The following HERC4 variants were observed in gnomAD, a reference collection of about 807,000 sequenced individuals.
HERC4 encodes HECT and RLD domain containing E3 ubiquitin protein ligase 4, also known as probable E3 ubiquitin-protein ligase HERC4.
Under a neutral mutation model 124.3 loss-of-function variants are expected in HERC4, and 28 were observed. That is an observed-to-expected ratio of 0.23 (90% CI 0.17 to 0.31). HERC4 has a LOEUF of 0.31. HERC4 is among the 10% of genes least tolerant of loss of function. The pLI is 1.00. For missense variants in HERC4, 713 were observed against 1,229.3 expected (o/e 0.58, Z 6.28); for synonymous variants, 407 against 421.5 (o/e 0.97, Z 0.42).
At chr10:68,052,195 G>GA (rs1362511195) in intron 3 of HERC4, among the ~76,000 whole-genome samples, 2 of 152,176 alleles carry the variant, frequency 1.3e-5, no homozygotes, top group African/African-American at 4.8e-5. Flanking sequence ...CTAGACAGAT[G>GA]AAACATATCC....
intron 16 of HERC4, chr10:67,965,690 T>C (rs1329779533): frequency 1.3e-5 from 2 of 152,236 alleles, no homozygotes; most frequent in African/African-American, 4.8e-5. Context: ...GAGGTGCTGG[T>C]TGACTGACAA....
Position 67,955,140 on chromosome 10 carries a change from A to G in HERC4, c.2026-10T>C. On this transcript the variant is annotated splice_polypyrimidine_tract_variant and intron_variant, in intron 17 of 24. Coordinates refer to ENST00000373700, the MANE Select transcript of HERC4 (RefSeq NM_015601.4). ...CCTGATCAATAGCCATCTGGAAAACAAAAGATTAACATTTTAACAGCAATG... is the reference window on the plus strand; with the variant it reads ...CCTGATCAATAGCCATCTGGAAAACGAAAGATTAACATTTTAACAGCAATG... 3.8e-6 allele frequency: 6 copies of G among 1,571,300 alleles called. No individual in the cohort carries two copies. Among genetic ancestry groups the G allele is most frequent in the Non-Finnish European group, 5.1e-6 (6 of 1,165,356 alleles).
chr10:68,069,301 T>C (rs1331024656), intron 3 of HERC4: 1 of 970,098 alleles, frequency 1.0e-6, no homozygotes, highest in Non-Finnish European at 1.2e-6. Context: ...AATTGAGACA[T>C]TAGCTTAAAA....
At chr10:67,943,221 T>C (rs2033061558) in intron 19 of HERC4, among the ~76,000 whole-genome samples, 1 of 152,210 alleles carries the variant, frequency 6.6e-6, no homozygotes, top group Admixed American at 6.5e-5. Flanking sequence ...CTTAATTCTG[T>C]TTAAGTTTAT....
intron 3 of HERC4, chr10:68,067,233 T>C (rs1295980354): frequency 1.3e-5 from 2 of 152,620 alleles, no homozygotes; most frequent in African/African-American, 2.4e-5. Context: ...CAAAGTAAAG[T>C]ATTATTATAC....
chr10:68,018,073 G>T (rs1042192675), intron 8 of HERC4, among the ~76,000 whole-genome samples: 5 of 151,882 alleles, frequency 3.3e-5, no homozygotes, highest in Middle Eastern at 3.4e-3. Context: ...CTGGTGAAAA[G>T]AATAATAAGA....
intron 3 of HERC4, among the ~76,000 whole-genome samples, chr10:68,056,737 T>A (rs1364527905): frequency 6.7e-6 from 1 of 148,232 alleles, no homozygotes; most frequent in Non-Finnish European, 1.5e-5. Flanking sequence ...CCAGTAATAG[T>A]CCAGAATGAA....
At chr10:67,967,523 A>G (rs1344688641) in intron 15 of HERC4, among the ~76,000 whole-genome samples, 1 of 152,184 alleles carries the variant, frequency 6.6e-6, no homozygotes, top group Non-Finnish European at 1.5e-5. Context: ...AGAAGGTGAT[A>G]TCTGGACACG....
intron 10 of HERC4, 98 bp downstream of exon 10, chr10:67,992,508 C>A: frequency 9.5e-7 from 1 of 1,056,142 alleles, no homozygotes; most frequent in Non-Finnish European, 1.4e-6. Context: ...AAAACTAAGG[C>A]AATTACTTTG....
chr10:67,947,369 C>A (rs921899534), intron 19 of HERC4, among the ~76,000 whole-genome samples: 1 of 152,086 alleles, frequency 6.6e-6, no homozygotes, highest in Admixed American at 6.6e-5. Context: ...TGATATGAGA[C>A]AAATATTGAT....
chr10:68,057,875 A>G (rs964387431), intron 3 of HERC4, among the ~76,000 whole-genome samples: 1 of 151,682 alleles, frequency 6.6e-6, no homozygotes, highest in Non-Finnish European at 1.5e-5. Flanking sequence ...AATTTTTTCT[A>G]TTTCTAGTAG....
At chr10:67,948,317 T>C (rs1336638690) in intron 19 of HERC4, among the ~76,000 whole-genome samples, 3 of 151,718 alleles carry the variant, frequency 2.0e-5, no homozygotes, top group Non-Finnish European at 2.9e-5. Flanking sequence ...ACTCAGATAA[T>C]TATTCAGCAA....
At chr10:68,055,749 A>G (rs1564601996) in intron 3 of HERC4, among the ~76,000 whole-genome samples, 1 of 151,118 alleles carries the variant, frequency 6.6e-6, no homozygotes, top group Non-Finnish European at 1.5e-5. Flanking sequence ...GGGGCATTAC[A>G]ATATCCTTTT....
chr10:67,933,159 G>C (rs1231188937), intron 22 of HERC4, among the ~76,000 whole-genome samples: 1 of 152,076 alleles, frequency 6.6e-6, no homozygotes, highest in Admixed American at 6.6e-5. Context: ...CAAACAATAG[G>C]TGACAAAAAA....
intron 18 of HERC4, 82 bp downstream of exon 18, chr10:67,954,881 A>T: frequency 3.7e-6 from 5 of 1,344,820 alleles, no homozygotes; most frequent in Non-Finnish European, 5.0e-6. Context: ...AGTTTAAAAG[A>T]TTCACTAAAA....
chr10:68,070,137 T>C (rs1469739881), intron 3 of HERC4: 2 of 984,924 alleles, frequency 2.0e-6, no homozygotes, highest in East Asian at 1.1e-4. Context: ...CTTGCTCAAT[T>C]ACCAGAAGAC....
chr10:68,050,165 C>T (rs191799752), intron 3 of HERC4, among the ~76,000 whole-genome samples: 41 of 152,314 alleles, frequency 2.7e-4, no homozygotes, highest in African/African-American at 9.9e-4. Flanking sequence ...GCACTCCAGC[C>T]TGGGCAACCA....
intron 3 of HERC4, among the ~76,000 whole-genome samples, chr10:68,046,309 C>T (rs748300000): frequency 3.3e-5 from 5 of 152,116 alleles, no homozygotes; most frequent in Non-Finnish European, 7.4e-5. Context: ...GATAGGATGA[C>T]AAGACAGGTA....
intron 4 of HERC4, chr10:68,039,344 A>C: frequency 1.2e-5 from 18 of 1,489,868 alleles, no homozygotes; most frequent in Non-Finnish European, 1.6e-5. Flanking sequence ...AGAAAGAAAG[A>C]AAAGAAAAAA....
Sources: gnomAD v4.1 joint callset for allele counts (sites outside exome capture counted in the v4.1 genomes callset) on GRCh38, gnomAD v4.1.1 for gene constraint, MANE v1.5 for transcripts, NCBI Gene and HGNC (gene_info 2026-07-23, HGNC 2026-07-21) for gene names.